The following CCDC74A variants were observed in gnomAD, a reference collection of about 807,000 sequenced individuals.
CCDC74A encodes the protein coiled-coil domain-containing protein 74A.
In CCDC74A, 38 loss-of-function variants were observed where a neutral mutation model predicts 37.6. The observed-to-expected ratio is 1.01, with a 90% CI of 0.78 to 1.33. The LOEUF (loss-of-function observed/expected upper bound fraction) is 1.33. Among genes scored for constraint, CCDC74A ranks in the 40% most tolerant of loss-of-function variants. CCDC74A has a pLI of 0.00. For missense variants in CCDC74A, 340 were observed against 403.4 expected, an observed-to-expected ratio of 0.84 and a Z score of 1.35; for synonymous variants, 134 against 165.2, an observed-to-expected ratio of 0.81 and a Z score of 1.45.
At chr2:131,525,686 TAC>T (rs2104770827), upstream of CCDC74A, among the ~76,000 whole-genome samples, 1 of 150,086 alleles carries the variant, frequency 6.7e-6, no homozygotes, top group Admixed American at 6.6e-5. Context: ...TAGTTGGGAT[TAC>T]AGATATAAAC....
At chr2:131,529,979 T>G (rs551423260) in intron 2 of CCDC74A, 1 of 1,517,376 alleles carries the variant, frequency 6.6e-7, no homozygotes, top group Non-Finnish European at 8.8e-7. Context: ...AGAGCTGAAA[T>G]GGGAAGGAAC....
In CCDC74A at chr2:131,528,612, C is replaced by T. The variant is rs1680624474; in HGVS notation, c.250+392C>T. On this transcript the variant is annotated intron_variant, in intron 1 of 7. Transcript: ENST00000409856. Reference sequence around the variant, plus strand: ...GATCACGAGGTCAGGAGATCGAGACCATCCTGGCTAACACGGTGAAATCTC... The same window carrying T: ...GATCACGAGGTCAGGAGATCGAGACTATCCTGGCTAACACGGTGAAATCTC... 4 of 788,248 alleles carry T rather than the reference C, an allele frequency of 5.1e-6. No homozygotes were observed. In the Admixed American group the frequency reaches 6.4e-5, roughly 13 times the overall value. 48.8% of individuals were successfully genotyped at this position (788,248 alleles called of 1,614,324 possible).
intron 2 of CCDC74A, chr2:131,530,469 T>G: frequency 6.5e-7 from 1 of 1,546,738 alleles, no homozygotes; most frequent in African/African-American, 1.4e-5. Context: ...GTGGCCCAAG[T>G]CGGCAGCCCC....
chr2:131,533,186 C>T (rs1681688869), intron 7 of CCDC74A, 83 bp from the exon 8 acceptor site: 2 of 1,607,082 alleles, frequency 1.2e-6, no homozygotes, highest in East Asian at 2.2e-5. Flanking sequence ...TCTCTGTGCC[C>T]CCGTGAGGGC....
At chr2:131,528,704 G>A (rs113747336) in intron 1 of CCDC74A, 38,855 of 396,268 alleles carry the variant, frequency 0.098, 2,261 homozygotes, top group African/African-American at 0.18. Context: ...CCAGCTACTC[G>A]GGAGGCTGAA....
upstream of CCDC74A, among the ~76,000 whole-genome samples, chr2:131,524,959 G>C (rs991673204): frequency 1.3e-5 from 2 of 150,646 alleles, no homozygotes; most frequent in African/African-American, 4.9e-5. Context: ...TACTAGGGAA[G>C]CTGAGGCAGG....
intron 3 of CCDC74A, among the ~76,000 whole-genome samples, chr2:131,531,333 G>C (rs1418329399): frequency 6.6e-5 from 10 of 152,134 alleles, no homozygotes. Context: ...ATGGGCCCAG[G>C]TGCTAGACGG....
upstream of CCDC74A, among the ~76,000 whole-genome samples, chr2:131,524,781 C>G (rs1680233444): frequency 6.6e-6 from 1 of 151,064 alleles, no homozygotes; most frequent in Non-Finnish European, 1.5e-5. Context: ...CAACCACATA[C>G]CAGGCACAGT....
upstream of CCDC74A, among the ~76,000 whole-genome samples, chr2:131,524,152 A>G (rs1055752704): frequency 4.6e-5 from 7 of 152,154 alleles, no homozygotes; most frequent in African/African-American, 1.7e-4. Flanking sequence ...TGGTTGCTGA[A>G]GACCCATCCG....
In CCDC74A at chr2:131,531,777, G is replaced by A; in HGVS notation, c.460G>A (p.Val154Ile). ...PLLHNSKLDK[V>I]PGVQGQARKE... ...ACTTCACAACAGCAAGCTGGACAAA[G>A]TTCCTGGGGTACAAGGGCAGGCCAG... The change falls in exon 4 of 8, where the codon GTT becomes ATT. Residue 154 changes from valine to isoleucine, a missense_variant. By Grantham distance (29) the Val-to-Ile change is conservative. Coordinates refer to ENST00000409856, the MANE Select transcript of CCDC74A (RefSeq NM_001258306.3). The A allele has an allele frequency of 6.7e-7, 1 of 1,494,224 alleles. No individual in the cohort carries two copies. Among genetic ancestry groups the A allele is most frequent in the Middle Eastern group, 1.8e-4 (1 of 5,574 alleles). 92.6% of individuals were successfully genotyped at this position (1,494,224 alleles called of 1,614,324 possible). A position where few individuals can be genotyped will look rare whatever the true frequency, so the allele number is the denominator to read the frequency against.
Position 131,528,068 on chromosome 2 carries a change from C to T in CCDC74A, c.98C>T (p.Ser33Phe), listed in dbSNP as rs1432052751. 5 of 1,605,632 alleles carry T rather than the reference C, an allele frequency of 3.1e-6. No individual in the cohort carries two copies. The highest frequency in any genetic ancestry group is 2.2e-5 in the East Asian group (1 of 44,634). Residue 33 changes from serine (S) to phenylalanine (F), a missense_variant, in exon 1 of 8, where the codon TCC (serine) becomes TTC (phenylalanine). Ser to Phe is a radical substitution (Grantham distance 155). Coordinates refer to ENST00000409856, the MANE Select transcript of CCDC74A (RefSeq NM_001258306.3). ...RRQRPSVGVQSLRPQSPQLRQ... is the reference protein window; with the variant it reads ...RRQRPSVGVQFLRPQSPQLRQ... ...CAGCGCCCCTCTGTGGGCGTCCAGTCCTTGAGGCCGCAGAGCCCGCAGCTC... is the reference window on the plus strand; with the variant it reads ...CAGCGCCCCTCTGTGGGCGTCCAGTTCTTGAGGCCGCAGAGCCCGCAGCTC...
At chr2:131,532,526 G>A in intron 4 of CCDC74A, 63 bp from the exon 5 acceptor site, 1 of 1,501,368 alleles carries the variant, frequency 6.7e-7, no homozygotes, top group Non-Finnish European at 8.9e-7. Flanking sequence ...GGGGAGGTAT[G>A]CTGGGTGGGT....
Position 131,532,607 on chromosome 2 carries a change from C to G in CCDC74A, c.504C>G (p.Ala168=). 6.3e-7 allele frequency: 1 copy of G among 1,596,538 alleles called. No individual in the cohort carries two copies. Among genetic ancestry groups the G allele is most frequent in the South Asian group, 1.1e-5 (1 of 87,420 alleles). The change falls in exon 5 of 8, where the codon GCC becomes GCG. Residue 168 remains alanine (A), a synonymous_variant. Transcript: ENST00000409856. ...QGQARKEKAE[A]SNAGAACMGN... ...GTTTCAGAAAGGAGAAAGCAGAGGC[C>G]TCTAATGCAGGAGCTGCCTGTATGG...
At position 131,530,117 on chromosome 2, in the gene CCDC74A, T is replaced by C. The variant is rs1236465337; in HGVS notation, c.295+426T>C. ...GCCCAGGGGCTCTGGACACACTCCATCCAGGGATCCCTTCCTGCCATCTGG... is the reference window on the plus strand; with the variant it reads ...GCCCAGGGGCTCTGGACACACTCCACCCAGGGATCCCTTCCTGCCATCTGG... On this transcript the variant is annotated intron_variant, in intron 2 of 7. Coordinates refer to ENST00000409856, the MANE Select transcript of CCDC74A (RefSeq NM_001258306.3). 5 of 1,550,186 alleles carry C rather than the reference T, an allele frequency of 3.2e-6. No individual in the cohort carries two copies. In the East Asian group the frequency reaches 1.2e-4, roughly 38 times the overall value.
chr2:131,531,065 G>A (rs1681206223), intron 3 of CCDC74A, among the ~76,000 whole-genome samples: 1 of 152,154 alleles, frequency 6.6e-6, no homozygotes, highest in South Asian at 2.1e-4. Context: ...AGGCACCCCA[G>A]GGCGGGGCAG....
At chr2:131,529,401 A>G (rs1341827579) in intron 1 of CCDC74A, 7 of 656,578 alleles carry the variant, frequency 1.1e-5, no homozygotes, top group South Asian at 1.7e-5. Flanking sequence ...GATGCCCTCC[A>G]GTCATCTCAG....
At chr2:131,525,467 T>G (rs558822891), upstream of CCDC74A, among the ~76,000 whole-genome samples, 1 of 152,188 alleles carries the variant, frequency 6.6e-6, no homozygotes, top group East Asian at 1.9e-4. Context: ...ATGCTCCTGC[T>G]TTGGCCTCTC....
At chr2:131,529,328 T>C (rs1034316806) in intron 1 of CCDC74A, 7 of 552,836 alleles carry the variant, frequency 1.3e-5, no homozygotes, top group South Asian at 4.1e-5. Context: ...GACACTGCCA[T>C]AGCCAGGGGT....
chr2:131,530,815 A>G lies in CCDC74A; in HGVS notation c.334A>G (p.Ile112Val). ...SMSSFQSVKSISNSGKARPQP... is the reference protein window; with the variant it reads ...SMSSFQSVKSVSNSGKARPQP... The stretch of plus-strand genomic sequence containing the variant: ...GTCAAGCTTCCAGTCTGTCAAGTCC[A>G]TCTCTAATTCAGGTGAGCAGGCTGG... The change falls in exon 3 of 8, where the codon ATC (isoleucine) becomes GTC (valine). Residue 112 changes from isoleucine (I) to valine (V), a missense_variant. Transcript: ENST00000409856. 1.2e-6 allele frequency: 2 copies of G among 1,607,132 alleles called. No individual in the cohort carries two copies. The highest frequency in any genetic ancestry group is 1.7e-4 in the Middle Eastern group (1 of 5,896).
Sources: gnomAD v4.1 joint callset for allele counts (sites outside exome capture counted in the v4.1 genomes callset) on GRCh38, gnomAD v4.1.1 for gene constraint, MANE v1.5 for transcripts, NCBI Gene and HGNC (gene_info 2026-07-23, HGNC 2026-07-21) for gene names.